Variants in SULF1 observed in about 807,000 individuals in gnomAD.
The protein encoded by SULF1 is extracellular sulfatase Sulf-1.
Under a neutral mutation model 110.5 loss-of-function variants are expected in SULF1, and 46 were observed. The observed-to-expected ratio is 0.42, with a 90% confidence interval of 0.33 to 0.53. The LOEUF is 0.53. SULF1 is among the 20% of genes least tolerant of loss of function. The pLI is 0.12. For missense variants in SULF1, 941 were observed against 1,094.2 expected (o/e 0.86, Z 1.98); for synonymous variants, 371 against 387.1 (o/e 0.96, Z 0.49).
chr8:69,486,576 G>A (rs1809721573), intron 1 of SULF1, among the ~76,000 whole-genome samples: 1 of 152,138 alleles, frequency 6.6e-6, no homozygotes, highest in Non-Finnish European at 1.5e-5. Context: ...GCTAAAAGAA[G>A]GTTTGCTGTG....
chr8:69,505,338 G>A (rs1811112874), intron 3 of SULF1, among the ~76,000 whole-genome samples: 1 of 152,090 alleles, frequency 6.6e-6, no homozygotes, highest in South Asian at 2.1e-4. Flanking sequence ...AATATGAATG[G>A]CCTTTATTGT....
intron 3 of SULF1, among the ~76,000 whole-genome samples, chr8:69,502,774 G>A (rs1403881511): frequency 2.8e-5 from 4 of 143,648 alleles, no homozygotes; most frequent in East Asian, 2.1e-4. Flanking sequence ...TGCAACCTCC[G>A]CCTCCTGGGT....
At chr8:69,628,844 G>A (rs1810302037) in intron 18 of SULF1, among the ~76,000 whole-genome samples, 1 of 152,034 alleles carries the variant, frequency 6.6e-6, no homozygotes, top group Non-Finnish European at 1.5e-5. Flanking sequence ...TAACTCGATG[G>A]CTGATTGGTA....
intron 14 of SULF1, 22 bp from the exon 15 acceptor site, chr8:69,623,920 A>G (rs777615137): frequency 6.2e-7 from 1 of 1,600,040 alleles, no homozygotes; most frequent in East Asian, 2.2e-5. Context: ...ATCCATAGTA[A>G]TGTATCTTCC....
At chr8:69,551,649 C>T (rs1019717193) in intron 3 of SULF1, among the ~76,000 whole-genome samples, 4 of 152,302 alleles carry the variant, frequency 2.6e-5, no homozygotes, top group Middle Eastern at 3.4e-3. Context: ...TCAGCCCATG[C>T]GAAGGTCTGA....
chr8:69,504,583 C>A (rs1426998239), intron 3 of SULF1, among the ~76,000 whole-genome samples: 1 of 152,068 alleles, frequency 6.6e-6, no homozygotes, highest in African/African-American at 2.4e-5. Flanking sequence ...AAATAAGTGT[C>A]TAATGTTGGA....
intron 13 of SULF1, among the ~76,000 whole-genome samples, chr8:69,607,760 G>A (rs1808336039): frequency 6.6e-6 from 1 of 152,132 alleles, no homozygotes; most frequent in Admixed American, 6.5e-5. Context: ...CAGTATCCCT[G>A]ACTTTAAAAA....
chr8:69,602,586 G>C (rs1807911968), intron 10 of SULF1, among the ~76,000 whole-genome samples: 1 of 152,244 alleles, frequency 6.6e-6, no homozygotes, highest in East Asian at 1.9e-4. Flanking sequence ...TCTGGAAGTG[G>C]TGGCAGTGGG....
At chr8:69,478,208 A>G (rs1050830465) in intron 1 of SULF1, among the ~76,000 whole-genome samples, 1 of 152,120 alleles carries the variant, frequency 6.6e-6, no homozygotes, top group East Asian at 1.9e-4. Context: ...AAGGACTTCA[A>G]TCCAGTTCTG....
intron 1 of SULF1, among the ~76,000 whole-genome samples, chr8:69,483,907 A>T (rs1293150599): frequency 6.6e-6 from 1 of 152,236 alleles, no homozygotes; most frequent in Non-Finnish European, 1.5e-5. Flanking sequence ...TATTAAATAC[A>T]TGCTTACCAT....
At chr8:69,576,642 T>C (rs191893464) in intron 6 of SULF1, among the ~76,000 whole-genome samples, 45 of 152,278 alleles carry the variant, frequency 3.0e-4, no homozygotes, top group Admixed American at 4.6e-4. Flanking sequence ...GGGGACTTCT[T>C]TCAAGAGGGG....
chr8:69,536,148 T>C (rs1813419637), intron 3 of SULF1, among the ~76,000 whole-genome samples: 1 of 152,184 alleles, frequency 6.6e-6, no homozygotes, highest in African/African-American at 2.4e-5. Flanking sequence ...GTATTTACGC[T>C]CAGGTGTTTT....
At chr8:69,608,799 G>T (rs774282941) in intron 13 of SULF1, among the ~76,000 whole-genome samples, 121 of 152,152 alleles carry the variant, frequency 8.0e-4, no homozygotes, top group Non-Finnish European at 1.5e-3. Flanking sequence ...AAGACAACAT[G>T]GACATATGTG....
At chr8:69,648,059 C>T (rs2130719519) in intron 22 of SULF1, among the ~76,000 whole-genome samples, 1 of 149,980 alleles carries the variant, frequency 6.7e-6, no homozygotes. Context: ...CAAGCTAAAA[C>T]ATATTATGTT....
At chr8:69,585,187 G>A (rs148872975) in intron 6 of SULF1, among the ~76,000 whole-genome samples, 6 of 151,974 alleles carry the variant, frequency 3.9e-5, no homozygotes, top group African/African-American at 1.2e-4. Flanking sequence ...ATACATACAC[G>A]CACACATGCT....
upstream of SULF1, among the ~76,000 whole-genome samples, chr8:69,492,067 G>A (rs537697620): frequency 4.6e-5 from 7 of 152,202 alleles, no homozygotes; most frequent in South Asian, 1.2e-3. Flanking sequence ...AGGGCGGGAT[G>A]GGAAGTGGGA....
At chr8:69,471,251 C>T (rs1174615001) in intron 1 of SULF1, among the ~76,000 whole-genome samples, 1 of 152,180 alleles carries the variant, frequency 6.6e-6, no homozygotes, top group Admixed American at 6.5e-5. Flanking sequence ...GCCTGGTCCA[C>T]TTTAATGACC....
chr8:69,581,483 C>G (rs959848211), intron 6 of SULF1, among the ~76,000 whole-genome samples: 1 of 152,174 alleles, frequency 6.6e-6, no homozygotes, highest in Non-Finnish European at 1.5e-5. Flanking sequence ...TCCCTGCCCC[C>G]CAACCCCCAC....
chr8:69,572,123 G>T (rs781602801), intron 5 of SULF1, among the ~76,000 whole-genome samples: 1 of 152,194 alleles, frequency 6.6e-6, no homozygotes, highest in African/African-American at 2.4e-5. Context: ...TCTAAGAGGC[G>T]AGAAGAATCA....
Sources: allele counts gnomAD v4.1 joint callset (sites outside exome capture counted in the v4.1 genomes callset), GRCh38; gene constraint gnomAD v4.1.1; transcripts MANE v1.5; gene names NCBI Gene and HGNC (gene_info 2026-07-23, HGNC 2026-07-21).